Variants in ZNF331 observed in about 807,000 individuals in gnomAD.
ZNF331 encodes the protein zinc finger protein 331.
ZNF331 carries 2 observed loss-of-function variants against 7.0 expected under a neutral mutation model. The observed-to-expected ratio is 0.29, with a 90% CI of 0.12 to 0.90. The LOEUF (loss-of-function observed/expected upper bound fraction) is 0.90, where lower values mean the gene tolerates loss of function less well. Among genes scored for constraint, ZNF331 ranks in the 40% least tolerant of loss-of-function variants. The pLI is 0.58. For missense variants in ZNF331, 432 were observed against 587.7 expected (o/e 0.74, Z 2.74); for synonymous variants, 196 against 205.4 (o/e 0.95, Z 0.39).
intron 3 of ZNF331, among the ~76,000 whole-genome samples, chr19:53,564,269 TTTTTATTTTA>T (rs1246879108): frequency 1.3e-5 from 2 of 151,508 alleles, no homozygotes; most frequent in East Asian, 1.9e-4. Flanking sequence ...TATACGTACC[TTTTTATTTTA>T]TTTTATTTTA....
intron 3 of ZNF331, among the ~76,000 whole-genome samples, chr19:53,568,849 CTTTTT>C (rs537822108): frequency 8.4e-4 from 65 of 77,110 alleles, no homozygotes; most frequent in Middle Eastern, 9.4e-3. Flanking sequence ...CCATGATACT[CTTTTT>C]TTTTTTTTTT....
chr19:53,521,298 G>A, exon 1 of ZNF331: 1 of 151,616 alleles, frequency 6.6e-6, no homozygotes, highest in South Asian at 2.1e-4. Context: ...TGAGGCTTCG[G>A]GAGCGGCGAG....
the ZNF331 span, among the ~76,000 whole-genome samples, chr19:53,506,428 C>CTCTCTG: frequency 1.0e-5 from 1 of 96,910 alleles, no homozygotes; most frequent in Non-Finnish European, 2.0e-5. Context: ...CTCTCTCTCT[C>CTCTCTG]TCTCTCTCTC....
At position 53,573,176 on chromosome 19, in the gene ZNF331, G is replaced by C. The variant is rs903449386; in HGVS notation, c.136+1446G>C. ...AGAGGTTGCAGTGAGCCAAGATCAC[G>C]CTACTGTGCTGCAGCCTGGGCAACA... On this transcript the variant is annotated intron_variant, in intron 5 of 5. Coordinates refer to ENST00000449416, the MANE Select transcript of ZNF331 (RefSeq NM_001079906.2). This position sits in a 1 kb window ranked among gnomAD's most constrained non-coding sequence, Gnocchi z 4.2. Among the ~76,000 whole-genome samples, 1 of 151,810 alleles carries C rather than the reference G, an allele frequency of 6.6e-6. No homozygotes were observed. The highest frequency in any genetic ancestry group is 1.9e-4 in the East Asian group (1 of 5,138).
intron 2 of ZNF331, among the ~76,000 whole-genome samples, chr19:53,546,259 G>A (rs1008955334): frequency 1.2e-4 from 18 of 151,620 alleles, no homozygotes; most frequent in African/African-American, 2.2e-4. Context: ...TCTGAAAGTC[G>A]GCTCTCCACA....
At chr19:53,561,133 C>T (rs1432625193) in intron 3 of ZNF331, among the ~76,000 whole-genome samples, 3 of 152,028 alleles carry the variant, frequency 2.0e-5, no homozygotes, top group Non-Finnish European at 2.9e-5. Context: ...ACTCCAGTGG[C>T]GACAGAGTGA....
Position 53,571,095 on chromosome 19 carries a change from G to A in ZNF331, c.10-509G>A, listed in dbSNP as rs904920157. Among the ~76,000 whole-genome samples, 1 of 151,692 alleles carries A rather than the reference G, an allele frequency of 6.6e-6. No homozygotes were observed. The highest frequency in any genetic ancestry group is 2.1e-4 in the South Asian group (1 of 4,794). On this transcript the variant is annotated intron_variant, in intron 4 of 5. Coordinates refer to ENST00000449416, the MANE Select transcript of ZNF331 (RefSeq NM_001079906.2). This position sits in a 1 kb window ranked among gnomAD's most constrained non-coding sequence, Gnocchi z 4.7. ...AGGATGGTCTCGATCTCCTGACCTC[G>A]TGATCCGCCTGCCTTGTTCTCGTGA...
At chr19:53,559,756 GCA>G (rs892055246) in intron 3 of ZNF331, among the ~76,000 whole-genome samples, 160 of 132,434 alleles carry the variant, frequency 1.2e-3, no homozygotes, top group Middle Eastern at 4.9e-3. Flanking sequence ...ATACGCACAT[GCA>G]CACACATACC....
intron 2 of ZNF331, among the ~76,000 whole-genome samples, chr19:53,546,276 A>T (rs2088610717): frequency 6.6e-6 from 1 of 151,932 alleles, no homozygotes; most frequent in African/African-American, 2.4e-5. Flanking sequence ...CACATGAGTT[A>T]CCTTTTTTGT....
chr19:53,532,005 A>C (rs2087560665), intron 2 of ZNF331, among the ~76,000 whole-genome samples: 1 of 152,196 alleles, frequency 6.6e-6, no homozygotes, highest in Non-Finnish European at 1.5e-5. Flanking sequence ...TAAATAACAA[A>C]TTATGTGCTT....
chr19:53,548,831 A>ATTTTTCTT (rs1167526764), intron 2 of ZNF331, among the ~76,000 whole-genome samples: 2 of 148,574 alleles, frequency 1.3e-5, no homozygotes, highest in African/African-American at 5.0e-5. Context: ...TTTTGACTTC[A>ATTTTTCTT]TTTTTCTTTT....
Position 53,579,625 on chromosome 19 carries a change from T to TGTGG in ZNF331, c.*1677_*1680dup. The TGTGG allele has an allele frequency of 5.0e-6, 1 of 200,160 alleles. No individual in the cohort carries two copies. The highest frequency in any genetic ancestry group is 1.0e-5 in the Non-Finnish European group (1 of 96,754). 12.4% of individuals were successfully genotyped at this position (200,160 alleles called of 1,614,324 possible). A position where few individuals can be genotyped will look rare whatever the true frequency, so the allele number is the denominator to read the frequency against. ...AGTGAATTTTTACAAGAAAACTCCC[T>TGTGG]GTGGGTGCAATGAGTCTGGAAAAGA... On this transcript the variant is annotated 3_prime_UTR_variant, in exon 6 of 6. Coordinates refer to ENST00000449416, the MANE Select transcript of ZNF331 (RefSeq NM_001079906.2).
chr19:53,568,831 G>A (rs1009188446), intron 3 of ZNF331, among the ~76,000 whole-genome samples: 1 of 145,230 alleles, frequency 6.9e-6, no homozygotes, highest in African/African-American at 2.5e-5. Context: ...GCTTGGTTTA[G>A]GTTTGATCCA....
upstream of ZNF331, among the ~76,000 whole-genome samples, chr19:53,517,928 G>A (rs1383807880): frequency 6.6e-6 from 1 of 152,196 alleles, no homozygotes; most frequent in African/African-American, 2.4e-5. Flanking sequence ...TGAGCCGCCT[G>A]GAGTTCCCAA....
intron 2 of ZNF331, among the ~76,000 whole-genome samples, chr19:53,543,734 AG>A (rs539245149): frequency 4.6e-5 from 7 of 152,224 alleles, no homozygotes; most frequent in Non-Finnish European, 1.0e-4. Flanking sequence ...CATACTTGCC[AG>A]TTGTAACAAT....
At chr19:53,567,272 G>A (rs1017862201) in intron 3 of ZNF331, among the ~76,000 whole-genome samples, 1 of 152,046 alleles carries the variant, frequency 6.6e-6, no homozygotes, top group Non-Finnish European at 1.5e-5. Flanking sequence ...TTGTCCACCT[G>A]CCATGTTGTG....
the ZNF331 span, among the ~76,000 whole-genome samples, chr19:53,506,808 C>G: frequency 6.6e-6 from 1 of 152,062 alleles, no homozygotes; most frequent in Admixed American, 6.5e-5. Context: ...TCCCTATGTA[C>G]CAGAGGAAAT....
chr19:53,546,492 G>T (rs2088624855), intron 2 of ZNF331, among the ~76,000 whole-genome samples: 1 of 151,252 alleles, frequency 6.6e-6, no homozygotes, highest in African/African-American at 2.4e-5. Flanking sequence ...TTGACATCCT[G>T]CTGTGTGCTC....
At chr19:53,530,770 C>T (rs528720833) in intron 2 of ZNF331, among the ~76,000 whole-genome samples, 10 of 152,320 alleles carry the variant, frequency 6.6e-5, no homozygotes, top group East Asian at 1.9e-4. Context: ...CATTGGCATC[C>T]GCAGGGGTAA....
Sources: gnomAD v4.1 joint callset for allele counts (sites outside exome capture counted in the v4.1 genomes callset) on GRCh38, gnomAD v4.1.1 for gene constraint, Gnocchi (gnomAD v3.1) non-coding constraint, MANE v1.5 for transcripts, NCBI Gene and HGNC (gene_info 2026-07-23, HGNC 2026-07-21) for gene names.